TASOR2: variants seen among roughly 807,000 people sequenced by gnomAD.
TASOR2 encodes protein TASOR 2.
Under a neutral mutation model 199.5 loss-of-function variants are expected in TASOR2, and 84 were observed. The observed-to-expected ratio is 0.42, with a 90% CI of 0.35 to 0.50. The LOEUF (loss-of-function observed/expected upper bound fraction) is 0.50. Among genes scored for constraint, TASOR2 ranks in the 20% least tolerant of loss-of-function variants. The pLI is 0.02. For missense variants in TASOR2, 2,796 were observed against 2,835.9 expected, an observed-to-expected ratio of 0.99 and a Z score of 0.32; for synonymous variants, 1,103 against 1,046.6, an observed-to-expected ratio of 1.05 and a Z score of -1.04.
chr10:5,763,321 TTTAC>T (rs1378678213), exon 21 of TASOR2: 4 of 315,616 alleles, frequency 1.3e-5, no homozygotes, highest in African/African-American at 2.2e-5. Context: ...ATTTTACATG[TTTAC>T]TTAGTTGGAG....
At chr10:5,723,254 A>G (rs1238885908) in intron 6 of TASOR2, among the ~76,000 whole-genome samples, 6 of 151,504 alleles carry the variant, frequency 4.0e-5, no homozygotes, top group African/African-American at 1.5e-4. Context: ...ACGGGGTTTC[A>G]CCGAGTTAGC....
intron 7 of TASOR2, among the ~76,000 whole-genome samples, chr10:5,724,074 CAG>C (rs1157043274): frequency 6.6e-6 from 1 of 152,172 alleles, no homozygotes; most frequent in African/African-American, 2.4e-5. Context: ...CTCTCGAGGA[CAG>C]AGTTTTTGTT....
intron 1 of TASOR2, among the ~76,000 whole-genome samples, chr10:5,708,965 G>A (rs189660139): frequency 1.5e-4 from 23 of 152,184 alleles, no homozygotes; most frequent in South Asian, 8.3e-4. Flanking sequence ...GCTTCCCGGC[G>A]TGCTGGGATT....
At position 5,752,392 on chromosome 10, in the gene TASOR2, A is replaced by G; in HGVS notation, c.6606+2365A>G. Among the ~76,000 whole-genome samples, 1 of 152,168 alleles carries G rather than the reference A, an allele frequency of 6.6e-6. No individual in the cohort carries two copies. Among genetic ancestry groups the G allele is most frequent in the East Asian group, 1.9e-4 (1 of 5,190 alleles). ...CAGAAAGCAGAGCATAGGGGCCTGC[A>G]GGCCGCGTGCAAAACTGGACGTGCC... On this transcript the variant is annotated intron_variant, in intron 15 of 20. Coordinates refer to ENST00000328090, the Ensembl canonical transcript of TASOR2. This position sits in a 1 kb window ranked among gnomAD's most constrained non-coding sequence, Gnocchi z 4.4.
At position 5,698,783 on chromosome 10, in the gene TASOR2, C is replaced by T. The variant is rs1275168432; in HGVS notation, c.-288+13608C>T. Among the ~76,000 whole-genome samples the T allele has an allele frequency of 2.0e-5, 3 of 152,068 alleles. No homozygotes were observed. The highest frequency in any genetic ancestry group is 7.2e-5 in the African/African-American group (3 of 41,402). On this transcript the variant is annotated intron_variant, in intron 1 of 20. Coordinates refer to ENST00000328090, the Ensembl canonical transcript of TASOR2. The surrounding 1 kb of genome is among the most constrained non-coding windows in gnomAD (Gnocchi z 4.4). ...ACAAATTTTAAAATAAATTTATATA[C>T]CACATCATACCCATTAAGATAGCTG...
chr10:5,695,768 T>C (rs966098184), intron 1 of TASOR2, among the ~76,000 whole-genome samples: 2 of 152,196 alleles, frequency 1.3e-5, no homozygotes, highest in African/African-American at 4.8e-5. Flanking sequence ...AAGTAATAAA[T>C]GATTTCATGA....
At position 5,749,196 on chromosome 10, in the gene TASOR2, C is replaced by G. The variant is rs751348062; in HGVS notation, c.5775C>G (p.Tyr1925Ter). ...ATCTCCACGGGATCCTCAGGACTTA[C>G]GCCAACTTCTCTATAACAAAAGAAC... Residue 1925 changes from tyrosine (Y) to a stop codon, truncating the protein, a stop_gained, in exon 15 of 21, where the codon TAC becomes TAG. Transcript: ENST00000328090. LOFTEE classifies it high-confidence loss of function. 2.5e-6 allele frequency: 4 copies of G among 1,613,936 alleles called. No homozygotes were observed. The highest frequency in any genetic ancestry group is 2.5e-6 in the Non-Finnish European group (3 of 1,180,008).
chr10:5,707,277 A>G (rs1360641664), intron 1 of TASOR2, among the ~76,000 whole-genome samples: 1 of 152,218 alleles, frequency 6.6e-6, no homozygotes, highest in African/African-American at 2.4e-5. Context: ...TCCATCAGTT[A>G]GTATGTCTTC....
intron 1 of TASOR2, among the ~76,000 whole-genome samples, chr10:5,686,540 A>C (rs1488845639): frequency 6.6e-6 from 1 of 152,238 alleles, no homozygotes; most frequent in Non-Finnish European, 1.5e-5. Context: ...TGGTCATGAT[A>C]GTATTTCTGT....
rs1564289657 is a variant in TASOR2, at chr10:5,719,509, A to G, written c.-99-1035A>G. The stretch of plus-strand genomic sequence containing the variant: ...AGGCGCGCGCTACCACACCCAGCTA[A>G]TTTTTTTGTATTTTTAGTAAAGGCA... On this transcript the variant is annotated intron_variant, in intron 3 of 20. Transcript: ENST00000328090. This position sits in a 1 kb window ranked among gnomAD's most constrained non-coding sequence, Gnocchi z 4.1. Among the ~76,000 whole-genome samples the G allele has an allele frequency of 6.6e-6, 1 of 151,760 alleles. No homozygotes were observed. Among genetic ancestry groups the G allele is most frequent in the African/African-American group, 2.4e-5 (1 of 41,292 alleles).
At chr10:5,728,595 G>A (rs1281669752) in intron 10 of TASOR2, among the ~76,000 whole-genome samples, 1 of 151,918 alleles carries the variant, frequency 6.6e-6, no homozygotes, top group African/African-American at 2.4e-5. Flanking sequence ...TGGTGACAGA[G>A]GGAGATTCTG....
Position 5,754,954 on chromosome 10 carries a change from G to T in TASOR2, c.6607-1659G>T, listed in dbSNP as rs1192368695. Reference sequence around the variant, plus strand: ...CCAGCTACTCGGGAGGCTGAGGCAGGAGAATGGCGTGAACCCGGGAGGCAG... The same window carrying T: ...CCAGCTACTCGGGAGGCTGAGGCAGTAGAATGGCGTGAACCCGGGAGGCAG... On this transcript the variant is annotated intron_variant, in intron 15 of 20. Coordinates refer to ENST00000328090, the Ensembl canonical transcript of TASOR2. The surrounding 1 kb of genome is among the most constrained non-coding windows in gnomAD (Gnocchi z 4.3). Among the ~76,000 whole-genome samples, 20 of 150,554 alleles carry T rather than the reference G, an allele frequency of 1.3e-4. No homozygotes were observed. The highest frequency in any genetic ancestry group is 4.7e-4 in the African/African-American group (19 of 40,820).
chr10:5,728,727 C>T (rs750169047), intron 10 of TASOR2, among the ~76,000 whole-genome samples: 2 of 152,102 alleles, frequency 1.3e-5, no homozygotes, highest in Non-Finnish European at 2.9e-5. Flanking sequence ...ACATAATTGG[C>T]AGCGACCGTT....
chr10:5,761,262 T>A, intron 18 of TASOR2, 28 bp from the exon 20 acceptor site: 3 of 1,570,498 alleles, frequency 1.9e-6, no homozygotes, highest in Non-Finnish European at 2.6e-6. Flanking sequence ...CTGAAAAATA[T>A]TTTAATATGC....
chr10:5,747,117 T>A (rs775453893), exon 15 of TASOR2: 4 of 1,614,120 alleles, frequency 2.5e-6, no homozygotes, highest in Non-Finnish European at 3.4e-6. Flanking sequence ...ACACATCAGG[T>A]GACTCTTTAG....
At position 5,737,551 on chromosome 10, in the gene TASOR2, C is replaced by T. The variant is rs1835804470; in HGVS notation, c.1447+2005C>T. 6.6e-6 allele frequency among the ~76,000 whole-genome samples: 1 copy of T among 152,086 alleles called. No individual in the cohort carries two copies. Among genetic ancestry groups the T allele is most frequent in the Non-Finnish European group, 1.5e-5 (1 of 68,018 alleles). ...GCCCTCTGTGCCTCCCCCAGGCAAC[C>T]TCTGCCCTTCAGGGGCCTGCAGCTA... On this transcript the variant is annotated intron_variant, in intron 12 of 20. Coordinates refer to ENST00000328090, the Ensembl canonical transcript of TASOR2. The surrounding 1 kb of genome is among the most constrained non-coding windows in gnomAD (Gnocchi z 4.9).
chr10:5,753,537 G>T (rs1201175301), intron 15 of TASOR2, among the ~76,000 whole-genome samples: 1 of 151,986 alleles, frequency 6.6e-6, no homozygotes, highest in Non-Finnish European at 1.5e-5. Flanking sequence ...TAATTTTTTT[G>T]TGTTTTTTAG....
intron 1 of TASOR2, among the ~76,000 whole-genome samples, chr10:5,708,736 C>G (rs1458856762): frequency 1.3e-5 from 2 of 150,542 alleles, no homozygotes; most frequent in African/African-American, 4.9e-5. Flanking sequence ...TGGTCTGGCT[C>G]TGTTACCCAG....
At chr10:5,755,215 G>T (rs1416006293) in intron 15 of TASOR2, among the ~76,000 whole-genome samples, 1 of 152,126 alleles carries the variant, frequency 6.6e-6, no homozygotes, top group Admixed American at 6.5e-5. Flanking sequence ...AATCTCATAA[G>T]AATTTTTTTG....
Sources: gnomAD v4.1 joint callset for allele counts (sites outside exome capture counted in the v4.1 genomes callset) on GRCh38, gnomAD v4.1.1 for gene constraint, Gnocchi (gnomAD v3.1) non-coding constraint, MANE v1.5 for transcripts, NCBI Gene and HGNC (gene_info 2026-07-23, HGNC 2026-07-21) for gene names.